Variants in RBFOX2 observed in about 807,000 individuals in gnomAD.
RBFOX2 encodes the protein RNA binding protein fox-1 homolog 2.
A neutral mutation model predicts 49.1 loss-of-function variants in RBFOX2; 10 were observed. The ratio of observed to expected loss-of-function variants is 0.20; its 90% confidence interval spans 0.13 to 0.35. The LOEUF is 0.35. Ranked by LOEUF, RBFOX2 falls within the 10% of genes least tolerant of loss-of-function variation. The pLI, the probability that RBFOX2 is intolerant of heterozygous loss-of-function variation, is 1.00. For synonymous variants in RBFOX2, 183 were observed against 187.4 expected (o/e 0.98, Z 0.19); for missense variants, 323 against 486.9 (o/e 0.66, Z 3.17).
intron 1 of RBFOX2, chr22:35,821,696 T>TA: frequency 2.0e-6 from 1 of 507,458 alleles, no homozygotes; most frequent in South Asian, 1.4e-5. Flanking sequence ...AATAGTTCCC[T>TA]AAAAGGCAGA....
chr22:36,006,089 T>C (rs910609190), intron 1 of RBFOX2, among the ~76,000 whole-genome samples: 1 of 152,196 alleles, frequency 6.6e-6, no homozygotes, highest in African/African-American at 2.4e-5. Flanking sequence ...AATGTGCAAA[T>C]ATATAGGGTA....
At chr22:36,015,854 A>C (rs1490919488) in intron 1 of RBFOX2, among the ~76,000 whole-genome samples, 2 of 152,260 alleles carry the variant, frequency 1.3e-5, no homozygotes, top group Non-Finnish European at 2.9e-5. Flanking sequence ...GAACTGAAGA[A>C]GGAAAAGAAA....
chr22:35,893,720 C>T (rs2047519475), intron 1 of RBFOX2, among the ~76,000 whole-genome samples: 1 of 152,212 alleles, frequency 6.6e-6, no homozygotes, highest in Non-Finnish European at 1.5e-5. Flanking sequence ...TCCGAACATA[C>T]ACACATACAT....
intron 1 of RBFOX2, among the ~76,000 whole-genome samples, chr22:35,837,383 G>A (rs541599657): frequency 1.6e-4 from 24 of 152,168 alleles, no homozygotes; most frequent in African/African-American, 5.5e-4. Context: ...GTAATAAACC[G>A]TTTAACTTTG....
intron 2 of RBFOX2, among the ~76,000 whole-genome samples, chr22:35,786,242 CA>C (rs766813111): frequency 6.6e-6 from 1 of 152,172 alleles, no homozygotes; most frequent in Non-Finnish European, 1.5e-5. Flanking sequence ...TCTGAAGACA[CA>C]ATTTAAGATC....
chr22:35,801,628 C>A (rs934572501), intron 2 of RBFOX2, among the ~76,000 whole-genome samples: 1 of 152,014 alleles, frequency 6.6e-6, no homozygotes, highest in Non-Finnish European at 1.5e-5. Flanking sequence ...AGTTCGAGAC[C>A]AACCTGGCCA....
At chr22:36,028,295 A>G in exon 1 of RBFOX2, 1 of 1,531,926 alleles carries the variant, frequency 6.5e-7, no homozygotes, top group East Asian at 2.7e-5. Flanking sequence ...CCGCTTGCTC[A>G]GGCCGGGATC....
upstream of RBFOX2, among the ~76,000 whole-genome samples, chr22:35,843,741 G>A (rs376580677): frequency 7.8e-4 from 119 of 152,140 alleles, no homozygotes; most frequent in African/African-American, 2.8e-3. Context: ...TACTTGCAAG[G>A]TGTCATCCTC....
intron 1 of RBFOX2, among the ~76,000 whole-genome samples, chr22:35,890,698 T>C (rs553277782): frequency 1.3e-5 from 2 of 152,270 alleles, no homozygotes; most frequent in East Asian, 3.9e-4. Context: ...ACTTTGCAAG[T>C]TACTGAAATA....
intron 1 of RBFOX2, among the ~76,000 whole-genome samples, chr22:35,935,922 G>A (rs530227281): frequency 9.6e-4 from 146 of 152,250 alleles, no homozygotes; most frequent in African/African-American, 3.4e-3. Context: ...AGAATAAGAT[G>A]AGAAAATACA....
chr22:35,875,619 T>C (rs1049639292), intron 1 of RBFOX2, among the ~76,000 whole-genome samples: 17 of 126,326 alleles, frequency 1.3e-4, no homozygotes, highest in Middle Eastern at 4.0e-3. Flanking sequence ...TGTGTGTGTG[T>C]GTGTGTGTGT....
intron 1 of RBFOX2, among the ~76,000 whole-genome samples, chr22:35,832,939 G>A (rs1240409618): frequency 6.6e-6 from 1 of 152,146 alleles, no homozygotes; most frequent in African/African-American, 2.4e-5. Flanking sequence ...TAGAAGGGGA[G>A]ATTTGAAATG....
intron 1 of RBFOX2, among the ~76,000 whole-genome samples, chr22:35,978,827 C>T (rs1179766246): frequency 6.6e-6 from 1 of 152,104 alleles, no homozygotes; most frequent in African/African-American, 2.4e-5. Flanking sequence ...TACAGGCAGA[C>T]ACAGAAATAG....
At chr22:35,951,159 T>A (rs1380485529) in intron 1 of RBFOX2, among the ~76,000 whole-genome samples, 2 of 151,474 alleles carry the variant, frequency 1.3e-5, no homozygotes, top group Admixed American at 6.6e-5. Context: ...TTTCACCGTG[T>A]TAGCCAGGAT....
chr22:35,840,087 G>T (rs1603385355), intron 1 of RBFOX2: 1 of 1,460,474 alleles, frequency 6.8e-7, no homozygotes, highest in Non-Finnish European at 9.6e-7. Context: ...TCTGTTCTAA[G>T]AAGACAATAA....
At chr22:35,931,221 A>G (rs1411580032) in intron 1 of RBFOX2, among the ~76,000 whole-genome samples, 1 of 152,060 alleles carries the variant, frequency 6.6e-6, no homozygotes, top group Admixed American at 6.6e-5. Context: ...CTTTGCACAA[A>G]GGCTGAAAGT....
chr22:35,947,468 C>T (rs1207636687), intron 1 of RBFOX2, among the ~76,000 whole-genome samples: 1 of 150,446 alleles, frequency 6.6e-6, no homozygotes, highest in African/African-American at 2.4e-5. Context: ...AAAAAGTTAC[C>T]TCAGGGAGGT....
intron 9 of RBFOX2, chr22:35,752,497 G>A: frequency 2.0e-6 from 1 of 494,734 alleles, no homozygotes; most frequent in Non-Finnish European, 2.6e-6. Context: ...AGTCTTGATT[G>A]TCCAAAAAAG....
upstream of RBFOX2, among the ~76,000 whole-genome samples, chr22:35,843,087 T>C (rs978670659): frequency 2.0e-5 from 3 of 152,196 alleles, no homozygotes; most frequent in Admixed American, 6.5e-5. Context: ...CCTGGTATTA[T>C]AGAGGACAAT....
Sources: allele counts gnomAD v4.1 joint callset (sites outside exome capture counted in the v4.1 genomes callset), GRCh38; gene constraint gnomAD v4.1.1; transcripts MANE v1.5; gene names NCBI Gene and HGNC (gene_info 2026-07-23, HGNC 2026-07-21).